PPARGC1B: variants seen among roughly 807,000 people sequenced by gnomAD.
The protein encoded by PPARGC1B is peroxisome proliferator-activated receptor gamma coactivator 1-beta.
Under a neutral mutation model 101.6 loss-of-function variants are expected in PPARGC1B, and 34 were observed. That is an observed-to-expected ratio of 0.33 (90% confidence interval 0.25 to 0.45). PPARGC1B has a LOEUF of 0.45. PPARGC1B is among the 20% of genes least tolerant of loss of function. The probability of loss-of-function intolerance (pLI) is 1.00; values close to 1 mark genes in which losing one functional copy is unlikely to be tolerated. For synonymous variants in PPARGC1B, 548 were observed against 539.3 expected (o/e 1.02, Z -0.22); for missense variants, 1,234 against 1,317.6 (o/e 0.94, Z 0.98).
chr5:149,805,054 C>A (rs974224838), intron 1 of PPARGC1B, among the ~76,000 whole-genome samples: 1 of 152,198 alleles, frequency 6.6e-6, no homozygotes, highest in Non-Finnish European at 1.5e-5. Flanking sequence ...GCAAGCCCTG[C>A]CCCTCTTGAT....
intron 1 of PPARGC1B, among the ~76,000 whole-genome samples, chr5:149,817,163 G>A (rs1331851460): frequency 6.6e-6 from 1 of 152,118 alleles, no homozygotes; most frequent in East Asian, 1.9e-4. Context: ...CCACTACCTG[G>A]CTTCTCCTTC....
At position 149,730,471 on chromosome 5, in the gene PPARGC1B, GGGCCGCAGCTGCAGCCGCGGA is replaced by G; in HGVS notation, c.78+57_78+77del. The G allele has an allele frequency of 2.8e-6, 4 of 1,410,488 alleles. No individual in the cohort carries two copies. Among genetic ancestry groups the G allele is most frequent in the Non-Finnish European group, 3.8e-6 (4 of 1,054,736 alleles). The allele number at this position is 1,410,488 out of a possible 1,614,324, so 87.4% of individuals were successfully genotyped here. A position where few individuals can be genotyped will look rare whatever the true frequency, so the allele number is the denominator to read the frequency against. On this transcript the variant is annotated intron_variant, in intron 1 of 11. Transcript: ENST00000309241. The surrounding 1 kb of genome is among the most constrained non-coding windows in gnomAD (Gnocchi z 4.0). ...CGGGGCCAGGGGTGCTGAGCTGCGG[GGGCCGCAGCTGCAGCCGCGGA>G]GGCCGGGAGGCAGCGGTGGGAGCCC...
intron 6 of PPARGC1B, 60 bp from the exon 7 acceptor site, chr5:149,835,241 G>T (rs1460998191): frequency 4.7e-6 from 7 of 1,487,150 alleles, no homozygotes; most frequent in Non-Finnish European, 6.6e-6. Context: ...TCATGGGCGG[G>T]GAGGTGGATG....
intron 4 of PPARGC1B, among the ~76,000 whole-genome samples, chr5:149,831,608 G>A (rs959129991): frequency 4.6e-5 from 7 of 152,134 alleles, no homozygotes; most frequent in East Asian, 1.9e-4. Context: ...CCACCCTCTC[G>A]TGCCTCATTC....
In PPARGC1B at chr5:149,848,036, G is replaced by C. The variant is rs1759639990; in HGVS notation, c.*478G>C. 5.9e-6 allele frequency: 1 copy of C among 168,616 alleles called. No homozygotes were observed. The highest frequency in any genetic ancestry group is 5.6e-5 in the Admixed American group (1 of 17,988). The allele number at this position is 168,616 out of a possible 1,614,324, so 10.4% of individuals were successfully genotyped here. A position where few individuals can be genotyped will look rare whatever the true frequency, so the allele number is the denominator to read the frequency against. ...AATGTATTTATGGCTCAGATGTACT[G>C]TGCCTGGGATTATTGTATTGCTTCC... On this transcript the variant is annotated 3_prime_UTR_variant, in exon 12 of 12. Transcript: ENST00000309241.
At chr5:149,822,705 C>T (rs1078324) in intron 2 of PPARGC1B, among the ~76,000 whole-genome samples, 4 of 152,180 alleles carry the variant, frequency 2.6e-5, no homozygotes, top group African/African-American at 9.7e-5. Flanking sequence ...ATCTCTTGCA[C>T]GCATGTGTGT....
At chr5:149,827,326 TA>T (rs1440030986) in intron 3 of PPARGC1B, among the ~76,000 whole-genome samples, 1 of 152,250 alleles carries the variant, frequency 6.6e-6, no homozygotes, top group African/African-American at 2.4e-5. Flanking sequence ...TTTCCTCTTC[TA>T]CCTTTTAAAA....
chr5:149,823,277 G>A (rs748277773), intron 2 of PPARGC1B, among the ~76,000 whole-genome samples: 14 of 152,168 alleles, frequency 9.2e-5, no homozygotes, highest in Non-Finnish European at 1.8e-4. Flanking sequence ...TGTTGAGGCC[G>A]CAGGAGGAGA....
chr5:149,791,870 G>C (rs563926541), intron 1 of PPARGC1B, among the ~76,000 whole-genome samples: 1 of 152,292 alleles, frequency 6.6e-6, no homozygotes, highest in African/African-American at 2.4e-5. Flanking sequence ...AAATATAAAA[G>C]GATTTGTCTA....
intron 2 of PPARGC1B, 75 bp from the exon 3 acceptor site, chr5:149,826,598 T>G: frequency 1.7e-6 from 2 of 1,183,970 alleles, no homozygotes; most frequent in Non-Finnish European, 2.5e-6. Flanking sequence ...GTGTCCACCG[T>G]GGAGACTGAG....
At chr5:149,819,477 T>A (rs1469904906) in intron 1 of PPARGC1B, among the ~76,000 whole-genome samples, 1 of 149,782 alleles carries the variant, frequency 6.7e-6, no homozygotes, top group African/African-American at 2.5e-5. Context: ...TGGGTGTTTG[T>A]TTGTTTGTTT....
At chr5:149,827,908 G>C (rs1263398902) in intron 3 of PPARGC1B, among the ~76,000 whole-genome samples, 1 of 152,198 alleles carries the variant, frequency 6.6e-6, no homozygotes, top group African/African-American at 2.4e-5. Context: ...GCCTGTCTTG[G>C]GCCCCTCCCT....
intron 1 of PPARGC1B, among the ~76,000 whole-genome samples, chr5:149,760,976 G>A (rs1755695706): frequency 6.6e-6 from 1 of 152,204 alleles, no homozygotes; most frequent in African/African-American, 2.4e-5. Flanking sequence ...AAGCAGCGCA[G>A]GGCATCTGGG....
intron 1 of PPARGC1B, among the ~76,000 whole-genome samples, chr5:149,751,047 G>A (rs970669943): frequency 3.3e-5 from 5 of 152,138 alleles, no homozygotes; most frequent in South Asian, 2.1e-4. Context: ...GTAATTTATC[G>A]TTAATACCAA....
chr5:149,855,179 T>C (rs1003998185), downstream of PPARGC1B, among the ~76,000 whole-genome samples: 2 of 152,116 alleles, frequency 1.3e-5, no homozygotes, highest in Non-Finnish European at 2.9e-5. Context: ...TCTCCCTCCT[T>C]CAGAGCACTT....
At chr5:149,758,500 A>G (rs1755613303) in intron 1 of PPARGC1B, among the ~76,000 whole-genome samples, 1 of 152,256 alleles carries the variant, frequency 6.6e-6, no homozygotes, top group South Asian at 2.1e-4. Context: ...CGCTGCACAT[A>G]GCAGTTCCTG....
chr5:149,743,155 CTTTTT>C (rs1181226228), intron 1 of PPARGC1B, among the ~76,000 whole-genome samples: 2 of 134,364 alleles, frequency 1.5e-5, no homozygotes. Flanking sequence ...TGTGTTTATT[CTTTTT>C]TTTTTTTTTT....
intron 3 of PPARGC1B, among the ~76,000 whole-genome samples, chr5:149,829,975 C>A (rs1328608390): frequency 2.4e-5 from 3 of 127,168 alleles, no homozygotes; most frequent in African/African-American, 9.2e-5. Context: ...GTGGAGGTTG[C>A]AGTGAGCCGA....
chr5:149,762,104 G>C (rs1755736891), intron 1 of PPARGC1B, among the ~76,000 whole-genome samples: 1 of 151,832 alleles, frequency 6.6e-6, no homozygotes, highest in Non-Finnish European at 1.5e-5. Flanking sequence ...AAGTGCAAGG[G>C]CAGTGACAAG....
Sources: allele counts gnomAD v4.1 joint callset (sites outside exome capture counted in the v4.1 genomes callset), GRCh38; gene constraint gnomAD v4.1.1; non-coding constraint Gnocchi (gnomAD v3.1); transcripts MANE v1.5; gene names NCBI Gene and HGNC (gene_info 2026-07-23, HGNC 2026-07-21).